The following PIWIL1 variants were observed in gnomAD, a reference collection of about 807,000 sequenced individuals.
PIWIL1 encodes the protein piwi like RNA-mediated gene silencing 1, also known as piwi-like protein 1.
In PIWIL1, 73 loss-of-function variants were observed where a neutral mutation model predicts 114.4. That is an observed-to-expected ratio of 0.64 (90% CI 0.53 to 0.78). The LOEUF (loss-of-function observed/expected upper bound fraction) is 0.78, where lower values mean the gene tolerates loss of function less well. Among genes scored for constraint, PIWIL1 ranks in the 30% least tolerant of loss-of-function variants. The pLI, the probability that PIWIL1 is intolerant of heterozygous loss-of-function variation, is 0.00. For synonymous variants in PIWIL1, 375 were observed against 369.0 expected (o/e 1.02, Z -0.19); for missense variants, 723 against 1,063.1 (o/e 0.68, Z 4.45).
chr12:130,355,029 C>G (rs776401821), intron 11 of PIWIL1, 24 bp downstream of exon 11: 17 of 1,403,694 alleles, frequency 1.2e-5, no homozygotes, highest in Non-Finnish European at 1.6e-5. Flanking sequence ...TTCACTGGGG[C>G]AGGGTTTCAG....
chr12:130,423,438 T>G, the PIWIL1 span, among the ~76,000 whole-genome samples: 28 of 152,142 alleles, frequency 1.8e-4, no homozygotes, highest in Non-Finnish European at 3.7e-4. Context: ...CTCACCTGTG[T>G]TTTCAATGAA....
At chr12:130,349,149 C>T in intron 7 of PIWIL1, 90 bp from the exon 8 acceptor site, 1 of 830,168 alleles carries the variant, frequency 1.2e-6, no homozygotes, top group Non-Finnish European at 2.0e-6. Context: ...ATAGTTTAGA[C>T]CCAGTTAATA....
the PIWIL1 span, among the ~76,000 whole-genome samples, chr12:130,410,741 G>A: frequency 3.9e-5 from 6 of 152,226 alleles, no homozygotes; most frequent in African/African-American, 7.2e-5. Flanking sequence ...CCAATACCAC[G>A]TTGTCTCGAT....
At chr12:130,365,368 A>G (rs549310686) in intron 18 of PIWIL1, among the ~76,000 whole-genome samples, 1 of 152,374 alleles carries the variant, frequency 6.6e-6, no homozygotes, top group Admixed American at 6.5e-5. Flanking sequence ...AAATGAAAAT[A>G]TACGTAATGG....
rs2073820626 is a variant in PIWIL1 at position 130,371,689 on chromosome 12, T to C, written c.*91T>C. 3 of 793,830 alleles carry C rather than the reference T, an allele frequency of 3.8e-6. No homozygotes were observed. 49.2% of individuals were successfully genotyped at this position (793,830 alleles called of 1,614,324 possible). A position where few individuals can be genotyped will look rare whatever the true frequency, so the allele number is the denominator to read the frequency against. ...TTACTTTTTTTTTAACTGTTATCTT[T>C]CTGGATGAAACTTGGGAAGGGGATT... On this transcript the variant is annotated 3_prime_UTR_variant, in exon 21 of 21. Coordinates refer to ENST00000245255, the MANE Select transcript of PIWIL1 (RefSeq NM_004764.5).
intron 1 of PIWIL1, 38 bp from the exon 2 acceptor site, chr12:130,342,542 T>C (rs755329105): frequency 8.4e-7 from 1 of 1,187,698 alleles, no homozygotes; most frequent in South Asian, 1.2e-5. Flanking sequence ...TGCGATTGCC[T>C]CCATTGAGTA....
the PIWIL1 span, among the ~76,000 whole-genome samples, chr12:130,402,660 C>T: frequency 6.6e-6 from 1 of 152,196 alleles, no homozygotes; most frequent in Non-Finnish European, 1.5e-5. Flanking sequence ...TGCGGCCAAA[C>T]AGTAACTACC....
the PIWIL1 span, chr12:130,424,245 T>C: frequency 8.1e-7 from 1 of 1,231,950 alleles, no homozygotes; most frequent in African/African-American, 1.5e-5. The surrounding 1 kb of genome is among the most constrained non-coding windows in gnomAD (Gnocchi z 9.8). Context: ...AAAATCTTGG[T>C]GCTCGGTGGG....
chr12:130,380,114 A>AGTAACCATTGT, the PIWIL1 span, among the ~76,000 whole-genome samples: 1 of 113,424 alleles, frequency 8.8e-6, no homozygotes, highest in African/African-American at 5.0e-5. Context: ...CCATCCAAGC[A>AGTAACCATTGT]TTGACAGTTC....
the PIWIL1 span, among the ~76,000 whole-genome samples, chr12:130,416,163 A>G: frequency 1.3e-5 from 2 of 152,266 alleles, no homozygotes; most frequent in Non-Finnish European, 2.9e-5. Context: ...TGCAACCTAC[A>G]GATTCAATGC....
At chr12:130,342,189 T>TCTGTGTGTGC in intron 1 of PIWIL1, 1 of 193,902 alleles carries the variant, frequency 5.2e-6, no homozygotes, top group East Asian at 1.2e-4. Context: ...TGTGTGTGTG[T>TCTGTGTGTGC]GTCTGTGTAT....
At position 130,357,161 on chromosome 12, in the gene PIWIL1, G is replaced by T. The variant is rs1342138547; in HGVS notation, c.1592+56G>T. The T allele has an allele frequency of 3.6e-6, 5 of 1,382,272 alleles. No individual in the cohort carries two copies. In the East Asian group the frequency reaches 9.3e-5, roughly 26 times the overall value. The allele number at this position is 1,382,272 out of a possible 1,614,324, so 85.6% of individuals were successfully genotyped here. A position where few individuals can be genotyped will look rare whatever the true frequency, so the allele number is the denominator to read the frequency against. On this transcript the variant is annotated intron_variant, in intron 13 of 20. Transcript: ENST00000245255. ...AATTGCTTGGCAGTCATTTGGAGGG[G>T]TGGGAACTATTAAACATACAAACTA...
chr12:130,370,292 C>T (rs1473951805), intron 19 of PIWIL1, among the ~76,000 whole-genome samples: 2 of 151,388 alleles, frequency 1.3e-5, no homozygotes, highest in African/African-American at 2.4e-5. Context: ...GTACTACAGG[C>T]GGCTCTCTTT....
At chr12:130,380,260 C>A in the PIWIL1 span, among the ~76,000 whole-genome samples, 1 of 152,200 alleles carries the variant, frequency 6.6e-6, no homozygotes, top group Non-Finnish European at 1.5e-5. Context: ...ACAATTCCTT[C>A]AACTCCCTCA....
the PIWIL1 span, among the ~76,000 whole-genome samples, chr12:130,416,393 C>T: frequency 2.0e-5 from 3 of 152,240 alleles, no homozygotes; most frequent in Admixed American, 6.5e-5. Context: ...ACTAATGGAA[C>T]AGAATAGAGA....
At chr12:130,387,742 T>C in the PIWIL1 span, among the ~76,000 whole-genome samples, 2 of 152,152 alleles carry the variant, frequency 1.3e-5, no homozygotes, top group African/African-American at 4.8e-5. Flanking sequence ...ACCTCTCTGC[T>C]GCCAAAGTGG....
chr12:130,342,766 T>C (rs889850921), intron 2 of PIWIL1, 97 bp downstream of exon 2: 212 of 975,010 alleles, frequency 2.2e-4, no homozygotes, highest in South Asian at 1.3e-4. Context: ...GGGAAGGATA[T>C]AGGAAGTGAG....
At chr12:130,373,348 C>T (rs546590128), downstream of PIWIL1, among the ~76,000 whole-genome samples, 1 of 152,262 alleles carries the variant, frequency 6.6e-6, no homozygotes, top group African/African-American at 2.4e-5. Flanking sequence ...TCATTCTTAG[C>T]AGGTCTCAGC....
chr12:130,424,069 A>G, the PIWIL1 span: 2 of 842,650 alleles, frequency 2.4e-6, no homozygotes, highest in Non-Finnish European at 3.2e-6. This position sits in a 1 kb window ranked among gnomAD's most constrained non-coding sequence, Gnocchi z 9.8. Context: ...ACCAGAACAA[A>G]CAGAAAACCA....
Sources: gnomAD v4.1 joint callset for allele counts (sites outside exome capture counted in the v4.1 genomes callset) on GRCh38, gnomAD v4.1.1 for gene constraint, Gnocchi (gnomAD v3.1) non-coding constraint, MANE v1.5 for transcripts, NCBI Gene and HGNC (gene_info 2026-07-23, HGNC 2026-07-21) for gene names.